The following SSBP4 variants were observed in gnomAD, a reference collection of about 807,000 sequenced individuals.
SSBP4 encodes the protein single stranded DNA binding protein 4.
SSBP4 carries 33 observed loss-of-function variants against 64.6 expected under a neutral mutation model. That is an observed-to-expected ratio of 0.51 (90% CI 0.39 to 0.68). The LOEUF (loss-of-function observed/expected upper bound fraction) is 0.68, where lower values mean the gene tolerates loss of function less well. Among genes scored for constraint, SSBP4 ranks in the 30% least tolerant of loss-of-function variants. The probability of loss-of-function intolerance (pLI) is 0.00; values close to 1 mark genes in which losing one functional copy is unlikely to be tolerated. For synonymous variants in SSBP4, 243 were observed against 224.0 expected (o/e 1.08, Z -0.76); for missense variants, 583 against 566.8 (o/e 1.03, Z -0.29).
At position 18,430,848 on chromosome 19, in the gene SSBP4, C is replaced by G. The variant is rs368693335; in HGVS notation, c.287C>G (p.Ala96Gly). 4.3e-6 allele frequency: 7 copies of G among 1,612,544 alleles called. No homozygotes were observed. In the African/African-American group the frequency reaches 9.3e-5, roughly 22 times the overall value. ...TTTCCCGCACCCTTACAGAGTGCTG[C>G]AGCCGCCCCCAGCCCCGTTATGGGG... ...EAKAFQDYSA[A>G]AAPSPVMGSM... The change falls in exon 5 of 18, where the codon GCA becomes GGA. Residue 96 changes from alanine to glycine, a missense_variant. By Grantham distance (60) the Ala-to-Gly change is moderately conservative. This residue lies in a region of SSBP4 where 444 missense variants were observed against 386.6 expected (regional missense o/e 1.15). Transcript: ENST00000270061.
Position 18,419,431 on chromosome 19 carries a change from G to C in SSBP4, c.-218G>C, listed in dbSNP as rs950301339. On this transcript the variant is annotated 5_prime_UTR_variant, in exon 1 of 18. Transcript: ENST00000270061. ...GAACAGCCCGCGCGGAGGAAAGGGA[G>C]GAAAAAAAGCCACCCTGCGGCCGGG... 1.4e-4 allele frequency: 149 copies of C among 1,046,636 alleles called. 1 individual carries two copies. Among genetic ancestry groups the C allele is most frequent in the Admixed American group, 1.7e-4 (3 of 18,118 alleles). The allele number at this position is 1,046,636 out of a possible 1,614,324, so 64.8% of individuals were successfully genotyped here.
At chr19:18,429,231 A>AGGCGGGGGAGGGG (rs950411954) in intron 4 of SSBP4, among the ~76,000 whole-genome samples, 1 of 150,842 alleles carries the variant, frequency 6.6e-6, no homozygotes, top group African/African-American at 2.4e-5. Context: ...TCGCCCTCCG[A>AGGCGGGGGAGGGG]GGCGGGGGAG....
intron 4 of SSBP4, among the ~76,000 whole-genome samples, chr19:18,429,339 C>A (rs1422892806): frequency 1.3e-5 from 2 of 151,882 alleles, no homozygotes; most frequent in African/African-American, 2.4e-5. Flanking sequence ...CATGGCAACG[C>A]GGGCCGGGCC....
chr19:18,413,118 G>C, the SSBP4 span, among the ~76,000 whole-genome samples: 13 of 151,666 alleles, frequency 8.6e-5, no homozygotes, highest in Admixed American at 7.2e-4. Context: ...CCCACTCAGG[G>C]GCGAGGAGCG....
upstream of SSBP4, among the ~76,000 whole-genome samples, chr19:18,415,564 A>G (rs1972125436): frequency 6.6e-6 from 1 of 151,998 alleles, no homozygotes; most frequent in South Asian, 2.1e-4. Context: ...GTGCCCAGGG[A>G]AGGCTTGGAG....
At chr19:18,411,210 G>A in the SSBP4 span, among the ~76,000 whole-genome samples, 3 of 151,836 alleles carry the variant, frequency 2.0e-5, no homozygotes, top group Non-Finnish European at 4.4e-5. Context: ...TATCCAGGAA[G>A]GGTCAGGTGC....
chr19:18,404,878 C>A, the SSBP4 span, among the ~76,000 whole-genome samples: 2 of 123,694 alleles, frequency 1.6e-5, no homozygotes, highest in Non-Finnish European at 3.2e-5. Context: ...GGTAACAGAG[C>A]GAGACTCCAT....
chr19:18,408,009 T>G, the SSBP4 span, among the ~76,000 whole-genome samples: 1 of 151,052 alleles, frequency 6.6e-6, no homozygotes, highest in Non-Finnish European at 1.5e-5. Flanking sequence ...CCTCCCAGAG[T>G]GCTGGGACTA....
chr19:18,422,908 TTCTC>T (rs1197980271), intron 1 of SSBP4, among the ~76,000 whole-genome samples: 1 of 152,228 alleles, frequency 6.6e-6, no homozygotes, highest in African/African-American at 2.4e-5. Context: ...ATATCCTTCC[TTCTC>T]TCTCTGGCCC....
the SSBP4 span, among the ~76,000 whole-genome samples, chr19:18,405,895 G>T: frequency 6.6e-6 from 1 of 151,914 alleles, no homozygotes; most frequent in Non-Finnish European, 1.5e-5. Context: ...GGAGGCTGAG[G>T]CAGGAGAATG....
upstream of SSBP4, among the ~76,000 whole-genome samples, chr19:18,418,503 TGC>T (rs201030411): frequency 0.011 from 1,609 of 152,320 alleles, 9 homozygotes; most frequent in African/African-American, 0.021. This position sits in a 1 kb window ranked among gnomAD's most constrained non-coding sequence, Gnocchi z 6.7. Flanking sequence ...AAAGGTGGGA[TGC>T]GCCCCATTTA....
the SSBP4 span, among the ~76,000 whole-genome samples, chr19:18,407,414 T>G: frequency 2.0e-5 from 3 of 152,006 alleles, no homozygotes; most frequent in South Asian, 2.1e-4. Flanking sequence ...TAATGTTTTT[T>G]TTGTTGTTGT....
Position 18,431,772 on chromosome 19 carries a change from GCCGCCGCACCC to G in SSBP4, c.496-18_496-8del. The G allele has an allele frequency of 6.5e-7, 1 of 1,540,890 alleles. No individual in the cohort carries two copies. Among genetic ancestry groups the G allele is most frequent in the Non-Finnish European group, 8.8e-7 (1 of 1,139,292 alleles). On this transcript the variant is annotated splice_polypyrimidine_tract_variant and intron_variant, in intron 7 of 17. Transcript: ENST00000270061. ...GGGGAGGGAGCACCCCACACTCAGTGCCGCCGCACCCCCTCCGCAGCCTCCCGCAGGCCTCC... is the reference window on the plus strand; with the variant it reads ...GGGGAGGGAGCACCCCACACTCAGTGCCTCCGCAGCCTCCCGCAGGCCTCC...
Position 18,434,278 on chromosome 19 carries a change from C to T in SSBP4, c.*32C>T, listed in dbSNP as rs1359927058. On this transcript the variant is annotated 3_prime_UTR_variant, in exon 18 of 18. Coordinates refer to ENST00000270061, the MANE Select transcript of SSBP4 (RefSeq NM_032627.5). The stretch of plus-strand genomic sequence containing the variant: ...GGCAGCCCCGGGCCTCTCTGCGGGC[C>T]TAGGCTTCTGCCCAGCGCCCCTGCT... 3 of 1,609,078 alleles carry T rather than the reference C, an allele frequency of 1.9e-6. No individual in the cohort carries two copies. Among genetic ancestry groups the T allele is most frequent in the African/African-American group, 2.7e-5 (2 of 74,640 alleles).
chr19:18,409,966 G>A, the SSBP4 span, among the ~76,000 whole-genome samples: 1 of 152,044 alleles, frequency 6.6e-6, no homozygotes, highest in Non-Finnish European at 1.5e-5. Context: ...TGAGTAGCTG[G>A]AAATACAGGC....
chr19:18,429,834 C>T (rs888669), intron 4 of SSBP4, among the ~76,000 whole-genome samples: 42,245 of 152,084 alleles, frequency 0.28, 6,744 homozygotes, highest in African/African-American at 0.44. Flanking sequence ...GTTTAGGACC[C>T]TGGCGGGAGG....
chr19:18,425,847 CA>C (rs1307005763), intron 1 of SSBP4: 1 of 152,568 alleles, frequency 6.6e-6, no homozygotes, highest in African/African-American at 2.4e-5. Flanking sequence ...GTCACCCCCC[CA>C]CTTGCCTTTC....
chr19:18,432,206 C>G lies in SSBP4; in HGVS notation c.696C>G (p.Ala232=), dbSNP rs1236692419. 4 of 1,613,170 alleles carry G rather than the reference C, an allele frequency of 2.5e-6. No individual in the cohort carries two copies. The East Asian group carries it at 8.9e-5, about 36-fold the overall frequency. Residue 232 remains alanine, a synonymous_variant, in exon 10 of 18, where the codon GCC becomes GCG. Coordinates refer to ENST00000270061, the MANE Select transcript of SSBP4 (RefSeq NM_032627.5). ...PNSLAGPGLP[A]MNMGPGVRGP... ...CCCTCGCCGGCCCAGGCCTGCCTGC[C>G]ATGAACATGTAAGACCCTGGGGGAT... is the stretch of plus-strand genomic sequence containing the variant.
intron 1 of SSBP4, among the ~76,000 whole-genome samples, chr19:18,425,747 C>A (rs532801919): frequency 1.3e-5 from 2 of 152,148 alleles, no homozygotes; most frequent in African/African-American, 4.8e-5. Flanking sequence ...TGTGTCCTGC[C>A]CCATCCCTGC....
Sources: gnomAD v4.1 joint callset for allele counts (sites outside exome capture counted in the v4.1 genomes callset) on GRCh38, gnomAD v4.1.1 for gene constraint, gnomAD v4.1.1 regional missense constraint, Gnocchi (gnomAD v3.1) non-coding constraint, MANE v1.5 for transcripts, NCBI Gene and HGNC (gene_info 2026-07-23, HGNC 2026-07-21) for gene names.